The following ELMO1 variants were observed in gnomAD, a reference collection of about 807,000 sequenced individuals.
ELMO1 encodes the protein engulfment and cell motility protein 1.
In ELMO1, 26 loss-of-function variants were observed where a neutral mutation model predicts 98.9. The observed-to-expected ratio is 0.26, with a 90% CI of 0.19 to 0.36. The LOEUF (loss-of-function observed/expected upper bound fraction) is 0.36. Ranked by LOEUF, ELMO1 falls within the 10% of genes least tolerant of loss-of-function variation. The pLI is 1.00. For missense variants in ELMO1, 627 were observed against 935.2 expected (o/e 0.67, Z 4.30); for synonymous variants, 346 against 346.0 (o/e 1.00, Z 0.00).
At chr7:37,200,599 C>T (rs1000072271) in intron 13 of ELMO1, among the ~76,000 whole-genome samples, 1 of 152,190 alleles carries the variant, frequency 6.6e-6, no homozygotes, top group Non-Finnish European at 1.5e-5. Context: ...TGCAACCAAA[C>T]TCCCTGACAG....
rs34286271 is a variant in ELMO1 at position 37,066,402 on chromosome 7, G to A, written c.1300+30217C>T. On this transcript the variant is annotated intron_variant, in intron 15 of 21. Transcript: ENST00000310758. ...GGCAAAACTGAATCTCTCTCAGCAC[G>A]AAGTGATTCTCCAAGCACAGATGCA... 4.6e-5 allele frequency among the ~76,000 whole-genome samples: 7 copies of A among 152,234 alleles called. No homozygotes were observed. The East Asian group carries it at 1.2e-3, about 25-fold the overall frequency.
intron 15 of ELMO1, among the ~76,000 whole-genome samples, chr7:37,066,388 A>G (rs1481370369): frequency 1.3e-5 from 2 of 152,092 alleles, no homozygotes; most frequent in African/African-American, 4.8e-5. Flanking sequence ...GCAAAACTGA[A>G]TCTCTCTCAG....
At chr7:37,221,004 G>A (rs535567924) in intron 10 of ELMO1, among the ~76,000 whole-genome samples, 1 of 152,272 alleles carries the variant, frequency 6.6e-6, no homozygotes, top group South Asian at 2.1e-4. Flanking sequence ...CTTCCGGGCT[G>A]CTTGGGAGTT....
rs1397868557 is a variant in ELMO1 at position 37,447,712 on chromosome 7, CACCACACACACACA to C, written c.-74+949_-74+962del. 3.9e-5 allele frequency among the ~76,000 whole-genome samples: 3 copies of C among 76,150 alleles called. No homozygotes were observed. In the South Asian group the frequency reaches 1.8e-3, roughly 47 times the overall value. 50.0% of individuals were successfully genotyped at this position (76,150 alleles called of 152,430 possible). On this transcript the variant is annotated intron_variant, in intron 1 of 21. Coordinates refer to ENST00000310758, the MANE Select transcript of ELMO1 (RefSeq NM_014800.11). ...ACACATACATACGCGCGCGCGCACA[CACCACACACACACA>C]CACACACACACACACACACACACGC...
chr7:37,264,137 T>G (rs778666468), intron 5 of ELMO1, among the ~76,000 whole-genome samples: 2 of 152,140 alleles, frequency 1.3e-5, no homozygotes, highest in Non-Finnish European at 2.9e-5. Context: ...CAAACATATT[T>G]TATTGTTTAT....
intron 16 of ELMO1, among the ~76,000 whole-genome samples, chr7:36,921,114 A>C (rs750471056): frequency 4.0e-5 from 6 of 151,368 alleles, no homozygotes; most frequent in Non-Finnish European, 7.4e-5. Flanking sequence ...AGCCTTTGCC[A>C]GGCACCACAT....
intron 2 of ELMO1, 26 bp from the exon 3 acceptor site, chr7:37,315,986 C>CT (rs11383031): frequency 1 from 1,533,106 of 1,533,866 alleles, 766,178 homozygotes; most frequent in East Asian, 1. Flanking sequence ...AAAGGAAATA[C>CT]TTGTTAGTTT....
intron 13 of ELMO1, among the ~76,000 whole-genome samples, chr7:37,210,329 A>G (rs1227236954): frequency 2.0e-5 from 3 of 152,150 alleles, no homozygotes; most frequent in Admixed American, 6.5e-5. Flanking sequence ...AATAAATTGT[A>G]TTACATCTAA....
At chr7:37,285,986 C>A (rs1041874642) in intron 4 of ELMO1, among the ~76,000 whole-genome samples, 6 of 151,448 alleles carry the variant, frequency 4.0e-5, no homozygotes, top group African/African-American at 1.5e-4. Context: ...CCACAAAGTG[C>A]TACAGAGACA....
chr7:36,859,289 TTTA>T (rs1407028697), intron 21 of ELMO1, among the ~76,000 whole-genome samples: 1 of 152,254 alleles, frequency 6.6e-6, no homozygotes, highest in Non-Finnish European at 1.5e-5. Flanking sequence ...ACATTATTAA[TTTA>T]TTTAAGTGTG....
At chr7:37,204,653 GATTGGTCCATTTTAAAGAGAGCGC>G (rs1213025730) in intron 13 of ELMO1, among the ~76,000 whole-genome samples, 1 of 152,186 alleles carries the variant, frequency 6.6e-6, no homozygotes, top group African/African-American at 2.4e-5. Context: ...ATATCCTGCC[GATTGGTCCATTTTAAAGAGAGCGC>G]ATTGGTCCAT....
At chr7:37,360,434 A>C (rs1230568490) in intron 1 of ELMO1, among the ~76,000 whole-genome samples, 4 of 152,206 alleles carry the variant, frequency 2.6e-5, no homozygotes, top group African/African-American at 9.6e-5. Flanking sequence ...TTAAAAAAAA[A>C]AAAAAACACC....
intron 14 of ELMO1, among the ~76,000 whole-genome samples, chr7:37,103,952 A>G (rs1784792789): frequency 7.5e-6 from 1 of 133,906 alleles, no homozygotes; most frequent in African/African-American, 2.7e-5. Flanking sequence ...CGGAGCTTGC[A>G]GTGAACCGAG....
intron 13 of ELMO1, among the ~76,000 whole-genome samples, chr7:37,192,139 T>C (rs537598435): frequency 6.6e-5 from 10 of 152,248 alleles, no homozygotes; most frequent in Non-Finnish European, 1.5e-4. Context: ...CAATTTCCTC[T>C]CCCAAGTTTT....
rs372241670 is a variant in ELMO1 at position 37,340,962 on chromosome 7, G to A, written c.78+1651C>T. Among the ~76,000 whole-genome samples the A allele has an allele frequency of 3.3e-4, 51 of 152,298 alleles. No homozygotes were observed. The East Asian group carries it at 6.9e-3, about 21-fold the overall frequency. On this transcript the variant is annotated intron_variant, in intron 2 of 21. Transcript: ENST00000310758. ...TGGGACCACTGAAAATAGTTATTTC[G>A]AATAAGTGCCTGGGTAATTCTGATT... is the stretch of plus-strand genomic sequence containing the variant.
intron 15 of ELMO1, among the ~76,000 whole-genome samples, chr7:37,087,392 T>C (rs1393380702): frequency 6.6e-6 from 1 of 152,206 alleles, no homozygotes; most frequent in Non-Finnish European, 1.5e-5. Flanking sequence ...AAAGCTGTTT[T>C]GGTATCTTTA....
At chr7:36,982,956 C>T (rs1279282381) in intron 16 of ELMO1, among the ~76,000 whole-genome samples, 1 of 152,182 alleles carries the variant, frequency 6.6e-6, no homozygotes, top group Non-Finnish European at 1.5e-5. Flanking sequence ...GAGCTGGGCC[C>T]GCCTCCCCTG....
At chr7:36,895,215 G>T (rs1180356448) in intron 16 of ELMO1, among the ~76,000 whole-genome samples, 198 bp from the exon 17 acceptor site, 1 of 152,196 alleles carries the variant, frequency 6.6e-6, no homozygotes, top group Admixed American at 6.5e-5. Context: ...TGGAACACAA[G>T]GAAGGAAATG....
chr7:37,314,009 C>G (rs1359256086), intron 4 of ELMO1, among the ~76,000 whole-genome samples: 1 of 152,178 alleles, frequency 6.6e-6, no homozygotes, highest in African/African-American at 2.4e-5. Context: ...TTTCAGTGAG[C>G]TCAACCTAAA....
Sources: allele counts gnomAD v4.1 joint callset (sites outside exome capture counted in the v4.1 genomes callset), GRCh38; gene constraint gnomAD v4.1.1; transcripts MANE v1.5; gene names NCBI Gene and HGNC (gene_info 2026-07-23, HGNC 2026-07-21).